DOCK2: variants seen among roughly 807,000 people sequenced by gnomAD.
DOCK2 encodes dedicator of cytokinesis protein 2.
A neutral mutation model predicts 248.9 loss-of-function variants in DOCK2; 87 were observed. The observed-to-expected ratio is 0.35, with a 90% CI of 0.29 to 0.42. The LOEUF is 0.42. DOCK2 is among the 10% of genes least tolerant of loss of function. The pLI is 1.00. For synonymous variants in DOCK2, 805 were observed against 821.6 expected (o/e 0.98, Z 0.35); for missense variants, 1,747 against 2,300.2 (o/e 0.76, Z 4.92).
chr5:169,757,393 T>C (rs941999613), intron 23 of DOCK2, among the ~76,000 whole-genome samples: 6 of 152,216 alleles, frequency 3.9e-5, no homozygotes, highest in Admixed American at 3.9e-4. Flanking sequence ...TTATCTTTGC[T>C]TAAGCCAATG....
At chr5:169,833,172 A>G (rs1351444645) in intron 26 of DOCK2, among the ~76,000 whole-genome samples, 1 of 152,086 alleles carries the variant, frequency 6.6e-6, no homozygotes, top group Admixed American at 6.5e-5. Flanking sequence ...CTATTTTTGA[A>G]ACCTTAGACA....
intron 25 of DOCK2, among the ~76,000 whole-genome samples, chr5:169,787,171 G>A (rs1054421694): frequency 3.9e-5 from 6 of 152,134 alleles, no homozygotes; most frequent in African/African-American, 7.2e-5. Context: ...TCTGCTCACC[G>A]TTGTCTATAT....
At chr5:169,906,626 C>T (rs1464812278) in intron 27 of DOCK2, among the ~76,000 whole-genome samples, 3 of 152,162 alleles carry the variant, frequency 2.0e-5, no homozygotes, top group Non-Finnish European at 2.9e-5. Context: ...GCCACCCATG[C>T]CTGGCCAAAA....
At chr5:169,693,211 A>G (rs934133652) in intron 9 of DOCK2, among the ~76,000 whole-genome samples, 1 of 152,176 alleles carries the variant, frequency 6.6e-6, no homozygotes, top group African/African-American at 2.4e-5. Context: ...AAGGATGTGG[A>G]TATGTAGAGG....
intron 29 of DOCK2, 69 bp from the exon 30 acceptor site, chr5:169,996,017 C>T (rs1754617163): frequency 6.5e-7 from 1 of 1,538,762 alleles, no homozygotes; most frequent in African/African-American, 1.4e-5. Flanking sequence ...GAATTTTAGT[C>T]TGGCATAAGG....
At position 169,714,202 on chromosome 5, in the gene DOCK2, A is replaced by G; in HGVS notation, c.1834A>G (p.Thr612Ala). ...CACCCTGGTGTGCTCCACAAAGCTC[A>G]CTCAGAATGGTAATCGGGTCATCAA... ...ISTLVCSTKL[T>A]QNVGLLGLLK... The change falls in exon 18 of 52, where the codon ACT becomes GCT. Residue 612 changes from threonine to alanine, a missense_variant. Thr to Ala is a moderately conservative substitution (Grantham distance 58). Coordinates refer to ENST00000520908, the MANE Select transcript of DOCK2 (RefSeq NM_004946.3). The G allele has an allele frequency of 5.6e-6, 9 of 1,608,362 alleles. No individual in the cohort carries two copies. The highest frequency in any genetic ancestry group is 7.7e-6 in the Non-Finnish European group (9 of 1,176,112).
At chr5:170,004,128 G>A (rs1004308253) in intron 30 of DOCK2, among the ~76,000 whole-genome samples, 7 of 152,198 alleles carry the variant, frequency 4.6e-5, no homozygotes, top group Non-Finnish European at 7.3e-5. Context: ...GCAGCATAGC[G>A]TCAATGCTAT....
intron 47 of DOCK2, 68 bp from the exon 48 acceptor site, chr5:170,077,642 G>A (rs1035317335): frequency 1.3e-6 from 2 of 1,593,650 alleles, no homozygotes; most frequent in Non-Finnish European, 1.7e-6. Context: ...GGAGGAAGAA[G>A]GTGACAGGAA....
At chr5:169,685,002 G>A (rs1445282749) in intron 8 of DOCK2, among the ~76,000 whole-genome samples, 1 of 152,180 alleles carries the variant, frequency 6.6e-6, no homozygotes, top group Non-Finnish European at 1.5e-5. Flanking sequence ...ATCCTCTGTA[G>A]CAGCAATAGG....
chr5:169,949,261 C>T (rs1776565080), intron 27 of DOCK2, among the ~76,000 whole-genome samples: 1 of 152,200 alleles, frequency 6.6e-6, no homozygotes, highest in South Asian at 2.1e-4. Context: ...ATTGAAGATA[C>T]AATCCTTGCC....
At chr5:170,058,083 G>A (rs921076959) in intron 44 of DOCK2, among the ~76,000 whole-genome samples, 7 of 152,130 alleles carry the variant, frequency 4.6e-5, no homozygotes, top group South Asian at 2.1e-4. Flanking sequence ...CTGAGGCTCA[G>A]AAGGGAGAGA....
intron 32 of DOCK2, 28 bp downstream of exon 32, chr5:170,008,774 C>CA: frequency 6.2e-7 from 1 of 1,613,618 alleles, no homozygotes; most frequent in Non-Finnish European, 8.5e-7. Flanking sequence ...TCCAGATACT[C>CA]ACATCTGCAG....
intron 26 of DOCK2, among the ~76,000 whole-genome samples, chr5:169,828,588 G>A (rs918615728): frequency 1.3e-5 from 2 of 152,148 alleles, no homozygotes; most frequent in African/African-American, 4.8e-5. Flanking sequence ...ATGATTAAGG[G>A]TATTTTCACT....
chr5:169,672,435 G>A (rs530996950), intron 5 of DOCK2, among the ~76,000 whole-genome samples: 1 of 152,194 alleles, frequency 6.6e-6, no homozygotes, highest in Non-Finnish European at 1.5e-5. Context: ...TAGTACTTCG[G>A]TATCACATTC....
chr5:170,068,878 G>A lies in DOCK2; in HGVS notation c.4645-259G>A, dbSNP rs78450508. Among the ~76,000 whole-genome samples, 704 of 152,284 alleles carry A rather than the reference G, an allele frequency of 4.6e-3. 6 individuals carry two copies. The highest frequency in any genetic ancestry group is 0.016 in the African/African-American group (654 of 41,546). ...CATCTCTAACAAGTTCCAAAGTACT[G>A]TTGCTGCTACTGGCTCAGGAACCTG... On this transcript the variant is annotated intron_variant, in intron 45 of 51. Coordinates refer to ENST00000520908, the MANE Select transcript of DOCK2 (RefSeq NM_004946.3).
At chr5:170,011,242 G>A (rs760619248) in intron 32 of DOCK2, among the ~76,000 whole-genome samples, 1 of 152,162 alleles carries the variant, frequency 6.6e-6, no homozygotes, top group Admixed American at 6.5e-5. Context: ...GAAGCCCTGA[G>A]CACTGCAGAG....
intron 27 of DOCK2, among the ~76,000 whole-genome samples, chr5:169,930,036 G>C (rs1475989899): frequency 6.6e-6 from 1 of 152,112 alleles, no homozygotes; most frequent in South Asian, 2.1e-4. Flanking sequence ...CTGTCACCAG[G>C]CTGGAGTGCA....
intron 27 of DOCK2, among the ~76,000 whole-genome samples, chr5:169,854,119 A>G (rs1043912300): frequency 2.4e-4 from 37 of 151,588 alleles, no homozygotes; most frequent in Non-Finnish European, 3.7e-4. Context: ...CACTGCACCC[A>G]GCCAAAAACA....
chr5:169,861,268 C>T (rs1212673305), intron 27 of DOCK2, among the ~76,000 whole-genome samples: 1 of 152,166 alleles, frequency 6.6e-6, no homozygotes, highest in Non-Finnish European at 1.5e-5. Flanking sequence ...CATTTTATAA[C>T]TGAAATCAAC....
Sources: allele counts gnomAD v4.1 joint callset (sites outside exome capture counted in the v4.1 genomes callset), GRCh38; gene constraint gnomAD v4.1.1; transcripts MANE v1.5; gene names NCBI Gene and HGNC (gene_info 2026-07-23, HGNC 2026-07-21).